Variants in KIZ observed in about 807,000 individuals in gnomAD.
The protein encoded by KIZ is centrosomal protein kizuna.
In KIZ, 68 loss-of-function variants were observed where a neutral mutation model predicts 79.6. That is an observed-to-expected ratio of 0.85 (90% confidence interval 0.70 to 1.05). The LOEUF (loss-of-function observed/expected upper bound fraction) is 1.05, where lower values mean the gene tolerates loss of function less well. KIZ is among the 50% of genes least tolerant of loss of function. The pLI, the probability that KIZ is intolerant of heterozygous loss-of-function variation, is 0.00. For synonymous variants in KIZ, 280 were observed against 281.8 expected (o/e 0.99, Z 0.06); for missense variants, 797 against 800.4 (o/e 1.00, Z 0.05).
chr20:21,206,672 T>C (rs2035839789), intron 7 of KIZ, among the ~76,000 whole-genome samples: 1 of 152,188 alleles, frequency 6.6e-6, no homozygotes, highest in African/African-American at 2.4e-5. Flanking sequence ...GTGTTTAGTT[T>C]TGTACCTTTT....
chr20:21,191,158 G>A (rs2035087619), intron 6 of KIZ, among the ~76,000 whole-genome samples: 1 of 152,170 alleles, frequency 6.6e-6, no homozygotes, highest in Admixed American at 6.5e-5. Flanking sequence ...TAAAGCATTT[G>A]TTCATTTATT....
chr20:21,176,304 TGTCTCAAATCA>T (rs1179447015), intron 6 of KIZ, among the ~76,000 whole-genome samples: 1 of 152,104 alleles, frequency 6.6e-6, no homozygotes, highest in African/African-American at 2.4e-5. Context: ...AGTGAGACTC[TGTCTCAAATCA>T]GTCAATCAAT....
chr20:21,232,167 G>A (rs1398201673), intron 10 of KIZ, among the ~76,000 whole-genome samples: 1 of 152,208 alleles, frequency 6.6e-6, no homozygotes, highest in East Asian at 1.9e-4. Context: ...TGGGGGCATT[G>A]TGGGAATATC....
intron 9 of KIZ, chr20:21,218,008 A>G (rs949037451): frequency 1.4e-4 from 22 of 152,180 alleles, no homozygotes; most frequent in African/African-American, 4.8e-4. Context: ...TGTGGTGGCC[A>G]CTTGGGACCA....
intron 7 of KIZ, among the ~76,000 whole-genome samples, chr20:21,211,804 T>C (rs891861218): frequency 1.3e-5 from 2 of 152,184 alleles, no homozygotes; most frequent in African/African-American, 4.8e-5. Flanking sequence ...CAGAAGTTGT[T>C]TTTGCAAGGC....
chr20:21,228,236 ACT>A (rs2036718159), intron 9 of KIZ, among the ~76,000 whole-genome samples: 1 of 151,744 alleles, frequency 6.6e-6, no homozygotes, highest in African/African-American at 2.4e-5. Flanking sequence ...CTGTGCTGAA[ACT>A]CTGATTCTTC....
At chr20:21,201,734 G>A (rs762336833) in intron 6 of KIZ, among the ~76,000 whole-genome samples, 2 of 151,952 alleles carry the variant, frequency 1.3e-5, no homozygotes, top group Non-Finnish European at 2.9e-5. Flanking sequence ...GTTTTTTTAT[G>A]TGTCATCAAT....
chr20:21,223,425 G>A (rs931977077), intron 9 of KIZ, among the ~76,000 whole-genome samples: 1 of 152,114 alleles, frequency 6.6e-6, no homozygotes, highest in Non-Finnish European at 1.5e-5. Flanking sequence ...GTCTCTTCTC[G>A]TGCATCAGCC....
chr20:21,209,598 A>G (rs925647524), intron 7 of KIZ, among the ~76,000 whole-genome samples: 6 of 152,254 alleles, frequency 3.9e-5, no homozygotes, highest in African/African-American at 1.2e-4. Flanking sequence ...ATTGCTACAC[A>G]GGTAAAATCC....
intron 6 of KIZ, among the ~76,000 whole-genome samples, chr20:21,178,797 G>A (rs2034536181): frequency 6.6e-6 from 1 of 152,048 alleles, no homozygotes; most frequent in Admixed American, 6.6e-5. Context: ...GTTGAATTTT[G>A]TCAAACAGTT....
At position 21,214,539 on chromosome 20, in the gene KIZ, C is replaced by T. The variant is rs572091901; in HGVS notation, c.1451C>T (p.Thr484Ile). 44 of 1,611,252 alleles carry T rather than the reference C, an allele frequency of 2.7e-5. No homozygotes were observed. The highest frequency in any genetic ancestry group is 2.6e-5 in the Non-Finnish European group (31 of 1,178,102). ...EHDNSVKEEATALLRKALTEE... is the reference protein window; with the variant it reads ...EHDNSVKEEAIALLRKALTEE... ...GCTTTTTTTGAAACACTGTAGGCAACAGCATTATTGAGAAAAGCCCTTACA... is the reference window on the plus strand; with the variant it reads ...GCTTTTTTTGAAACACTGTAGGCAATAGCATTATTGAGAAAAGCCCTTACA... Residue 484 changes from threonine to isoleucine, a missense_variant, in exon 8 of 13, where the codon ACA (threonine) becomes ATA (isoleucine). Physicochemically the swap from Thr to Ile is moderately conservative, Grantham distance 89. Coordinates refer to ENST00000619189, the MANE Select transcript of KIZ (RefSeq NM_018474.6).
At chr20:21,185,993 A>G (rs565307506) in intron 6 of KIZ, among the ~76,000 whole-genome samples, 9 of 152,184 alleles carry the variant, frequency 5.9e-5, no homozygotes, top group Non-Finnish European at 7.4e-5. Context: ...ACTAGAAGAT[A>G]ATAAAATGAA....
At chr20:21,136,188 A>G (rs536668307) in intron 2 of KIZ, among the ~76,000 whole-genome samples, 17 of 152,188 alleles carry the variant, frequency 1.1e-4, no homozygotes, top group Admixed American at 6.5e-4. Flanking sequence ...GCTTAGAGGA[A>G]ACCGATATGA....
chr20:21,230,570 ATTAGTGG>A (rs1337228817), intron 10 of KIZ, among the ~76,000 whole-genome samples: 2 of 152,206 alleles, frequency 1.3e-5, no homozygotes, highest in African/African-American at 4.8e-5. Context: ...CCTAGATAAT[ATTAGTGG>A]TTAAAGTCAG....
intron 6 of KIZ, among the ~76,000 whole-genome samples, chr20:21,189,508 C>G (rs949954352): frequency 6.6e-6 from 1 of 152,158 alleles, no homozygotes; most frequent in South Asian, 2.1e-4. Context: ...ATTAAAAATT[C>G]TCCCAAGCCT....
At chr20:21,183,683 A>C (rs932479996) in intron 6 of KIZ, among the ~76,000 whole-genome samples, 41 of 151,836 alleles carry the variant, frequency 2.7e-4, no homozygotes, top group African/African-American at 1.0e-3. Flanking sequence ...AGAAACAGTA[A>C]ATTACAGGAT....
intron 9 of KIZ, among the ~76,000 whole-genome samples, chr20:21,219,865 G>A (rs896989801): frequency 6.6e-6 from 1 of 152,088 alleles, no homozygotes; most frequent in Non-Finnish European, 1.5e-5. Flanking sequence ...CGTTATTATG[G>A]AGCATGCGAG....
At chr20:21,158,482 C>G (rs2033491758) in intron 4 of KIZ, 1 of 152,138 alleles carries the variant, frequency 6.6e-6, no homozygotes, top group Non-Finnish European at 1.5e-5. Flanking sequence ...GGGAAACAAA[C>G]CAATGTCCTT....
intron 6 of KIZ, among the ~76,000 whole-genome samples, chr20:21,192,205 G>C (rs1328065680): frequency 6.6e-6 from 1 of 151,434 alleles, no homozygotes; most frequent in East Asian, 1.9e-4. Flanking sequence ...CTGAATACAA[G>C]GTATTTCTGA....
Sources: allele counts gnomAD v4.1 joint callset (sites outside exome capture counted in the v4.1 genomes callset), GRCh38; gene constraint gnomAD v4.1.1; transcripts MANE v1.5; gene names NCBI Gene and HGNC (gene_info 2026-07-23, HGNC 2026-07-21).